The following SLC24A2 variants were observed in gnomAD, a reference collection of about 807,000 sequenced individuals.
SLC24A2 encodes sodium/potassium/calcium exchanger 2.
SLC24A2 carries 36 observed loss-of-function variants against 62.0 expected under a neutral mutation model. That is an observed-to-expected ratio of 0.58 (90% confidence interval 0.44 to 0.77). The LOEUF (loss-of-function observed/expected upper bound fraction) is 0.77. SLC24A2 is among the 30% of genes least tolerant of loss of function. SLC24A2 has a pLI of 0.00. For synonymous variants in SLC24A2, 358 were observed against 294.0 expected (o/e 1.22, Z -2.23); for missense variants, 846 against 817.9 (o/e 1.03, Z -0.42).
chr9:20,139,432 C>G, the SLC24A2 span, among the ~76,000 whole-genome samples: 1 of 152,178 alleles, frequency 6.6e-6, no homozygotes, highest in Non-Finnish European at 1.5e-5. Context: ...CAAGGCCTAG[C>G]ATAGTGTAAA....
chr9:19,533,495 G>A (rs1351302113), intron 8 of SLC24A2, among the ~76,000 whole-genome samples: 1 of 152,228 alleles, frequency 6.6e-6, no homozygotes, highest in African/African-American at 2.4e-5. Context: ...GTGACAGCGT[G>A]CAAATTTCAA....
At chr9:20,119,746 T>TC in the SLC24A2 span, among the ~76,000 whole-genome samples, 2 of 152,254 alleles carry the variant, frequency 1.3e-5, no homozygotes, top group Non-Finnish European at 2.9e-5. Flanking sequence ...GTACAGGAGT[T>TC]CCCATACAGT....
intron 2 of SLC24A2, among the ~76,000 whole-genome samples, chr9:19,709,900 T>C (rs780186349): frequency 6.6e-6 from 1 of 151,718 alleles, no homozygotes; most frequent in Non-Finnish European, 1.5e-5. Flanking sequence ...TAAAGTATAA[T>C]AATAATAAAA....
At chr9:19,553,156 T>A (rs912582373) in intron 7 of SLC24A2, among the ~76,000 whole-genome samples, 2 of 152,290 alleles carry the variant, frequency 1.3e-5, no homozygotes, top group Non-Finnish European at 1.5e-5. Flanking sequence ...CCAAGTAAAG[T>A]CTCACTCTGG....
intron 2 of SLC24A2, among the ~76,000 whole-genome samples, chr9:19,767,037 C>G: frequency 6.6e-6 from 1 of 151,986 alleles, no homozygotes; most frequent in East Asian, 1.9e-4. Flanking sequence ...AGTGACTTTG[C>G]AGTGCTGTGG....
At chr9:19,982,042 T>C in the SLC24A2 span, among the ~76,000 whole-genome samples, 49 of 152,234 alleles carry the variant, frequency 3.2e-4, no homozygotes, top group African/African-American at 1.1e-3. Flanking sequence ...CTGAGCTAAA[T>C]ATCTGAGAAG....
intron 2 of SLC24A2, among the ~76,000 whole-genome samples, chr9:19,719,277 C>G (rs1820954594): frequency 6.6e-6 from 1 of 152,136 alleles, no homozygotes; most frequent in African/African-American, 2.4e-5. Context: ...ACTCTTGTCA[C>G]CAAATTAGTA....
chr9:20,158,887 G>GA, the SLC24A2 span, among the ~76,000 whole-genome samples: 1 of 151,564 alleles, frequency 6.6e-6, no homozygotes, highest in African/African-American at 2.4e-5. Flanking sequence ...ATATATCTGG[G>GA]AAAACTGAAT....
intron 2 of SLC24A2, among the ~76,000 whole-genome samples, chr9:19,646,538 C>T (rs115322862): frequency 3.3e-5 from 5 of 152,242 alleles, no homozygotes; most frequent in African/African-American, 7.2e-5. Flanking sequence ...CTGTAAGGGA[C>T]GGATCTGTGT....
At chr9:19,666,937 C>A (rs1367942114) in intron 2 of SLC24A2, among the ~76,000 whole-genome samples, 1 of 152,160 alleles carries the variant, frequency 6.6e-6, no homozygotes, top group East Asian at 1.9e-4. Context: ...GCTACACAAA[C>A]AATAATTCTT....
the SLC24A2 span, among the ~76,000 whole-genome samples, chr9:19,831,515 GTCCCTAAATAAATT>G: frequency 6.6e-6 from 1 of 152,184 alleles, no homozygotes; most frequent in African/African-American, 2.4e-5. Flanking sequence ...TTTAAAGCAT[GTCCCTAAATAAATT>G]TGAAATCAAA....
Position 19,788,877 on chromosome 9 carries a change from G to A in SLC24A2, c.-154+8C>T. On this transcript the variant is annotated splice_region_variant and intron_variant, in intron 1 of 10. Coordinates refer to ENST00000341998, the MANE Select transcript of SLC24A2 (RefSeq NM_020344.4). ...AGCGGCAGGCGGGGCGCAGCCGCCC[G>A]CACTTACCAGGATAAGATGGGAGGA... 1.0e-6 allele frequency: 1 copy of A among 985,406 alleles called. No individual in the cohort carries two copies. The highest frequency in any genetic ancestry group is 1.2e-6 in the Non-Finnish European group (1 of 829,906). The allele number at this position is 985,406 out of a possible 1,614,324, so 61.0% of individuals were successfully genotyped here. A position where few individuals can be genotyped will look rare whatever the true frequency, so the allele number is the denominator to read the frequency against.
At chr9:19,875,346 ACT>A in the SLC24A2 span, among the ~76,000 whole-genome samples, 3 of 152,180 alleles carry the variant, frequency 2.0e-5, no homozygotes, top group African/African-American at 4.8e-5. Flanking sequence ...TGAAGCCCTG[ACT>A]CTGACGAAAT....
At chr9:19,597,371 G>T in intron 4 of SLC24A2, 92 bp from the exon 5 acceptor site, 1 of 895,868 alleles carries the variant, frequency 1.1e-6, no homozygotes, top group Non-Finnish European at 1.9e-6. Flanking sequence ...CAGATTCAGA[G>T]TTATACTGTC....
At chr9:20,304,451 A>G in the SLC24A2 span, among the ~76,000 whole-genome samples, 17 of 152,206 alleles carry the variant, frequency 1.1e-4, no homozygotes, top group African/African-American at 3.9e-4. Flanking sequence ...ATACAGAGAT[A>G]GAGATAATTT....
chr9:20,050,083 C>T, the SLC24A2 span, among the ~76,000 whole-genome samples: 1 of 151,812 alleles, frequency 6.6e-6, no homozygotes, highest in Non-Finnish European at 1.5e-5. Flanking sequence ...TATCAACAAG[C>T]CAAGAACTGC....
the SLC24A2 span, among the ~76,000 whole-genome samples, chr9:20,190,415 T>A: frequency 6.6e-6 from 1 of 152,152 alleles, no homozygotes; most frequent in African/African-American, 2.4e-5. Context: ...ATCTATTGTG[T>A]TTTTCAATAA....
chr9:19,920,670 G>A, the SLC24A2 span, among the ~76,000 whole-genome samples: 1 of 152,142 alleles, frequency 6.6e-6, no homozygotes, highest in Non-Finnish European at 1.5e-5. Context: ...AGCTGTTAGG[G>A]CAGGGTTGAG....
At chr9:19,573,616 C>A (rs1487967861) in intron 6 of SLC24A2, 147 bp from the exon 7 acceptor site, 4 of 748,254 alleles carry the variant, frequency 5.3e-6, no homozygotes, top group African/African-American at 5.2e-5. Flanking sequence ...AAATGTTGGG[C>A]TAAAGCAGAG....
Sources: allele counts gnomAD v4.1 joint callset (sites outside exome capture counted in the v4.1 genomes callset), GRCh38; gene constraint gnomAD v4.1.1; transcripts MANE v1.5; gene names NCBI Gene and HGNC (gene_info 2026-07-23, HGNC 2026-07-21).